LAMA2: variants seen among roughly 807,000 people sequenced by gnomAD.
The protein encoded by LAMA2 is laminin subunit alpha 2.
Under a neutral mutation model 364.8 loss-of-function variants are expected in LAMA2, and 269 were observed. That is an observed-to-expected ratio of 0.74 (90% confidence interval 0.67 to 0.82). The LOEUF (loss-of-function observed/expected upper bound fraction) is 0.82, where lower values mean the gene tolerates loss of function less well. Ranked by LOEUF, LAMA2 falls within the 40% of genes least tolerant of loss-of-function variation. The pLI is 0.00. For missense variants in LAMA2, 3,807 were observed against 3,873.2 expected, an observed-to-expected ratio of 0.98 and a Z score of 0.45; for synonymous variants, 1,379 against 1,370.6, an observed-to-expected ratio of 1.01 and a Z score of -0.14.
chr6:128,993,895 A>G (rs1438782058), intron 1 of LAMA2, among the ~76,000 whole-genome samples: 1 of 152,234 alleles, frequency 6.6e-6, no homozygotes, highest in African/African-American at 2.4e-5. Flanking sequence ...ATTAAAGACT[A>G]ATCAACTTGA....
At chr6:129,138,147 T>A (rs2114949007) in intron 4 of LAMA2, among the ~76,000 whole-genome samples, 1 of 152,172 alleles carries the variant, frequency 6.6e-6, no homozygotes, top group East Asian at 1.9e-4. Context: ...ATCTAGTAGA[T>A]ATCCAATACA....
Position 129,114,228 on chromosome 6 carries a change from T to G in LAMA2, c.639+15813T>G, listed in dbSNP as rs151052213. Among the ~76,000 whole-genome samples, 954 of 152,044 alleles carry G rather than the reference T, an allele frequency of 6.3e-3. 8 individuals carry two copies. Among genetic ancestry groups the G allele is most frequent in the Middle Eastern group, 0.044 (13 of 294 alleles). On this transcript the variant is annotated intron_variant, in intron 4 of 64. Transcript: ENST00000421865. Reference sequence around the variant, plus strand: ...CAAGGTTGAACAGGTATAAAATAATTAGGTCAAGAGCAATCAGCAAAATAT... The same window carrying G: ...CAAGGTTGAACAGGTATAAAATAATGAGGTCAAGAGCAATCAGCAAAATAT...
chr6:129,486,367 A>G (rs1784582717), intron 55 of LAMA2, 107 bp from the exon 56 acceptor site: 5 of 1,010,022 alleles, frequency 5.0e-6, no homozygotes, highest in South Asian at 1.3e-5. Context: ...TTAATTTCTC[A>G]GGTAAGATCT....
At chr6:129,315,446 A>T in intron 24 of LAMA2, 30 bp from the exon 25 acceptor site, 1 of 1,605,164 alleles carries the variant, frequency 6.2e-7, no homozygotes. Flanking sequence ...GCGTAAATTC[A>T]GCCTTCTGCT....
At chr6:129,210,367 T>G (rs1783015950) in intron 12 of LAMA2, among the ~76,000 whole-genome samples, 1 of 151,640 alleles carries the variant, frequency 6.6e-6, no homozygotes, top group Non-Finnish European at 1.5e-5. Flanking sequence ...AATTTATTTA[T>G]CAATCTCATT....
intron 41 of LAMA2, among the ~76,000 whole-genome samples, chr6:129,429,993 A>AG (rs1781509596): frequency 6.6e-6 from 1 of 152,220 alleles, no homozygotes; most frequent in South Asian, 2.1e-4. Context: ...TAGTTCAGGT[A>AG]GTACATTATT....
At chr6:128,902,322 G>C (rs4398767) in intron 1 of LAMA2, among the ~76,000 whole-genome samples, 12,177 of 152,206 alleles carry the variant, frequency 0.08, 610 homozygotes, top group East Asian at 0.17. Context: ...AATATTTCCA[G>C]TTGAAAGTAT....
intron 1 of LAMA2, among the ~76,000 whole-genome samples, chr6:128,892,462 A>T (rs931660646): frequency 2.6e-5 from 4 of 152,022 alleles, no homozygotes; most frequent in Admixed American, 6.6e-5. Context: ...TTGTTGATAA[A>T]CTATTTTTTA....
rs1006061083 is a variant in LAMA2, at chr6:128,931,847, TCTTA to T, written c.112+48494_112+48497del. 4.6e-5 allele frequency among the ~76,000 whole-genome samples: 7 copies of T among 152,242 alleles called. No homozygotes were observed. The South Asian group carries it at 8.3e-4, about 18-fold the overall frequency. On this transcript the variant is annotated intron_variant, in intron 1 of 64. Transcript: ENST00000421865. ...CATTACAGAATTGTTACTTTTAAACTCTTACTTTCCACGGGGACTGTTATTGTAA... is the reference window on the plus strand; with the variant it reads ...CATTACAGAATTGTTACTTTTAAACTCTTTCCACGGGGACTGTTATTGTAA...
At chr6:129,320,482 C>G in intron 27 of LAMA2, 56 bp from the exon 28 acceptor site, 1 of 979,882 alleles carries the variant, frequency 1.0e-6, no homozygotes, top group South Asian at 1.3e-5. Context: ...TGATTGTTTA[C>G]TAGGTGATCT....
chr6:129,291,851 AC>A, intron 20 of LAMA2, 131 bp downstream of exon 20: 2 of 711,762 alleles, frequency 2.8e-6, no homozygotes, highest in South Asian at 3.2e-5. Flanking sequence ...AATTGAAATG[AC>A]TGTGATCAGT....
chr6:129,066,810 A>T (rs1582978483), intron 3 of LAMA2, among the ~76,000 whole-genome samples: 1 of 152,244 alleles, frequency 6.6e-6, no homozygotes, highest in Non-Finnish European at 1.5e-5. Flanking sequence ...AGATGCCAAG[A>T]ACACACAATG....
chr6:129,170,309 A>G (rs1448701070), intron 9 of LAMA2, among the ~76,000 whole-genome samples: 2 of 147,066 alleles, frequency 1.4e-5, no homozygotes, highest in African/African-American at 2.6e-5. Context: ...TAGTGCTATA[A>G]ATTTCCCTCT....
At chr6:129,073,956 A>G (rs924612013) in intron 3 of LAMA2, among the ~76,000 whole-genome samples, 2 of 152,182 alleles carry the variant, frequency 1.3e-5, no homozygotes, top group Non-Finnish European at 1.5e-5. Context: ...TTTTTCTCTT[A>G]AAATGATTTA....
At chr6:129,240,436 C>A (rs538865373) in intron 12 of LAMA2, among the ~76,000 whole-genome samples, 1 of 152,220 alleles carries the variant, frequency 6.6e-6, no homozygotes, top group East Asian at 1.9e-4. Flanking sequence ...GATTTTTTTT[C>A]TGGTATACTT....
chr6:129,299,811 A>G (rs912602785), intron 21 of LAMA2, among the ~76,000 whole-genome samples: 2 of 152,238 alleles, frequency 1.3e-5, no homozygotes, highest in African/African-American at 4.8e-5. Flanking sequence ...TTTCATAAAA[A>G]GTGAATTTAG....
At chr6:129,309,730 G>A (rs997748138) in intron 22 of LAMA2, among the ~76,000 whole-genome samples, 1 of 152,090 alleles carries the variant, frequency 6.6e-6, no homozygotes. Flanking sequence ...GTTATTCTAT[G>A]CCTTGGAAGC....
chr6:129,311,523 C>A (rs73585575), intron 22 of LAMA2, among the ~76,000 whole-genome samples: 1 of 152,136 alleles, frequency 6.6e-6, no homozygotes, highest in Admixed American at 6.5e-5. Flanking sequence ...ATTCTGCCAC[C>A]GGATACGGAG....
chr6:129,278,323 G>A (rs1204955938), intron 17 of LAMA2, among the ~76,000 whole-genome samples: 3 of 152,176 alleles, frequency 2.0e-5, no homozygotes, highest in Admixed American at 2.0e-4. Flanking sequence ...CTTTCAATCA[G>A]TGTAGTCCCA....
Sources: allele counts gnomAD v4.1 joint callset (sites outside exome capture counted in the v4.1 genomes callset), GRCh38; gene constraint gnomAD v4.1.1; transcripts MANE v1.5; gene names NCBI Gene and HGNC (gene_info 2026-07-23, HGNC 2026-07-21).